Variants in FIBCD1 observed in about 807,000 individuals in gnomAD.
FIBCD1 encodes the protein fibrinogen C domain containing 1, also known as fibrinogen C domain-containing protein 1.
In FIBCD1, 47 loss-of-function variants were observed where a neutral mutation model predicts 45.1. The ratio of observed to expected loss-of-function variants is 1.04; its 90% confidence interval spans 0.82 to 1.33. The LOEUF (loss-of-function observed/expected upper bound fraction) is 1.33, where lower values mean the gene tolerates loss of function less well. FIBCD1 is among the 40% of genes most tolerant of loss of function. The pLI, the probability that FIBCD1 is intolerant of heterozygous loss-of-function variation, is 0.00. For missense variants in FIBCD1, 653 were observed against 682.2 expected, an observed-to-expected ratio of 0.96 and a Z score of 0.48; for synonymous variants, 313 against 308.1, an observed-to-expected ratio of 1.02 and a Z score of -0.17.
chr9:130,905,231 C>A lies in FIBCD1; in HGVS notation c.1126+3G>T. Reference sequence around the variant, plus strand: ...CCCATCCCTGCCACAGCTGGAGCCTCACCTGCAGTGCCGGAATAGTCAGCC... The same window carrying A: ...CCCATCCCTGCCACAGCTGGAGCCTAACCTGCAGTGCCGGAATAGTCAGCC... On this transcript the variant is annotated splice_donor_region_variant and intron_variant, in intron 6 of 6. Coordinates refer to ENST00000372338, the MANE Select transcript of FIBCD1 (RefSeq NM_032843.5). 6.2e-7 allele frequency: 1 copy of A among 1,611,446 alleles called. No homozygotes were observed. Among genetic ancestry groups the A allele is most frequent in the South Asian group, 1.1e-5 (1 of 90,804 alleles).
intron 2 of FIBCD1, among the ~76,000 whole-genome samples, chr9:130,927,231 A>G (rs1832376242): frequency 6.6e-6 from 1 of 151,506 alleles, no homozygotes; most frequent in African/African-American, 2.4e-5. Flanking sequence ...TGACGGAGTA[A>G]GACTGTCTCG....
intron 4 of FIBCD1, among the ~76,000 whole-genome samples, chr9:130,920,910 G>A (rs1006975157): frequency 2.0e-5 from 3 of 152,188 alleles, no homozygotes; most frequent in South Asian, 4.1e-4. Flanking sequence ...CCCTGACCCC[G>A]GCTTGCTTTA....
intron 2 of FIBCD1, among the ~76,000 whole-genome samples, chr9:130,927,965 G>C (rs1832385228): frequency 6.6e-6 from 1 of 152,208 alleles, no homozygotes; most frequent in Non-Finnish European, 1.5e-5. Flanking sequence ...TGGCCGGGAA[G>C]CTGCCTTTTA....
chr9:130,911,675 G>T, intron 5 of FIBCD1, 117 bp downstream of exon 5: 1 of 823,908 alleles, frequency 1.2e-6, no homozygotes, highest in Non-Finnish European at 2.0e-6. Context: ...TGGCTCAGGT[G>T]TGCCGAGGCC....
chr9:130,927,813 C>T (rs895883155), intron 2 of FIBCD1, among the ~76,000 whole-genome samples: 5 of 152,182 alleles, frequency 3.3e-5, no homozygotes, highest in Admixed American at 6.5e-5. Flanking sequence ...GGATTACAGG[C>T]GCCCGCCTGG....
intron 5 of FIBCD1, among the ~76,000 whole-genome samples, chr9:130,907,703 G>T (rs927808753): frequency 8.5e-5 from 13 of 152,110 alleles, no homozygotes; most frequent in Non-Finnish European, 2.9e-5. Flanking sequence ...TTCGAGACCA[G>T]CCTAGCCAAT....
chr9:130,919,075 C>T (rs1243972123), intron 4 of FIBCD1, among the ~76,000 whole-genome samples: 3 of 152,152 alleles, frequency 2.0e-5, no homozygotes, highest in Admixed American at 6.5e-5. Flanking sequence ...CGGCGCCTGC[C>T]GGCTCTTGGC....
rs1588111725 is a variant in FIBCD1 at position 130,926,937 on chromosome 9, G to C, written c.553-2541C>G. On this transcript the variant is annotated intron_variant, in intron 2 of 6. Coordinates refer to ENST00000372338, the MANE Select transcript of FIBCD1 (RefSeq NM_032843.5). The surrounding 1 kb of genome is among the most constrained non-coding windows in gnomAD (Gnocchi z 4.1). The stretch of plus-strand genomic sequence containing the variant: ...AACGCGGAGCCCAGCACATGGTATA[G>C]GCCTATCACTCCTACCAGAAAAGGG... 6.6e-6 allele frequency among the ~76,000 whole-genome samples: 1 copy of C among 152,278 alleles called. No homozygotes were observed. Among genetic ancestry groups the C allele is most frequent in the Non-Finnish European group, 1.5e-5 (1 of 68,020 alleles).
intron 5 of FIBCD1, among the ~76,000 whole-genome samples, chr9:130,910,648 G>A (rs1046240585): frequency 8.6e-5 from 13 of 151,950 alleles, no homozygotes; most frequent in African/African-American, 2.2e-4. Flanking sequence ...TACACCAATC[G>A]GCACTCTGTA....
At chr9:130,914,767 G>A (rs1057351179) in intron 4 of FIBCD1, among the ~76,000 whole-genome samples, 2 of 152,156 alleles carry the variant, frequency 1.3e-5, no homozygotes, top group African/African-American at 4.8e-5. Flanking sequence ...TGCCATTTAC[G>A]TAACTCGCCA....
In FIBCD1 at chr9:130,939,227, C is replaced by A. The variant is rs1832574594; in HGVS notation, c.-620G>T. ...GACCGGACTCACACAAGTCACCATGCGCGGGGCGGGCCCCGAGGGCGCCCC... is the reference window on the plus strand; with the variant it reads ...GACCGGACTCACACAAGTCACCATGAGCGGGGCGGGCCCCGAGGGCGCCCC... On this transcript the variant is annotated 5_prime_UTR_variant, in exon 1 of 7. Transcript: ENST00000372338. 6.6e-6 allele frequency: 1 copy of A among 152,056 alleles called. No homozygotes were observed. Among genetic ancestry groups the A allele is most frequent in the Non-Finnish European group, 1.5e-5 (1 of 67,990 alleles). The allele number at this position is 152,056 out of a possible 1,614,324, so 9.4% of individuals were successfully genotyped here. A position where few individuals can be genotyped will look rare whatever the true frequency, so the allele number is the denominator to read the frequency against.
Position 130,924,262 on chromosome 9 carries a change from T to TC in FIBCD1, c.686dup (p.Thr230AsnfsTer45), listed in dbSNP as rs1240579281. 6.3e-7 allele frequency: 1 copy of TC among 1,598,988 alleles called. No individual in the cohort carries two copies. Among genetic ancestry groups the TC allele is most frequent in the Non-Finnish European group, 8.5e-7 (1 of 1,174,480 alleles). Reference sequence around the variant, plus strand: ...CAGTGGCACAGCCCCGGGGCCGGGTTCCCCGGGCAGGCGCTCTCTGAAGGT... The same window carrying TC: ...CAGTGGCACAGCCCCGGGGCCGGGTTCCCCCGGGCAGGCGCTCTCTGAAGGT... On this transcript the variant is annotated frameshift_variant, in exon 3 of 7. Transcript: ENST00000372338. LOFTEE classifies it high-confidence loss of function.
chr9:130,930,302 G>A (rs114817429), intron 1 of FIBCD1, among the ~76,000 whole-genome samples: 1,526 of 152,208 alleles, frequency 0.01, 34 homozygotes, highest in African/African-American at 0.035. Flanking sequence ...GCCCCAGAGG[G>A]GAGGTGGAGA....
chr9:130,912,807 G>C (rs75912714), intron 4 of FIBCD1, among the ~76,000 whole-genome samples: 9,311 of 108,568 alleles, frequency 0.086, 430 homozygotes, highest in Non-Finnish European at 0.1. Context: ...TCAAAGAAAG[G>C]GGGGGCAGAG....
rs144935472 is a variant in FIBCD1, at chr9:130,926,245, T to TA, written c.553-1850dup. Among the ~76,000 whole-genome samples, 3 of 152,104 alleles carry TA rather than the reference T, an allele frequency of 2.0e-5. No homozygotes were observed. Among genetic ancestry groups the TA allele is most frequent in the Admixed American group, 6.5e-5 (1 of 15,268 alleles). On this transcript the variant is annotated intron_variant, in intron 2 of 6. Transcript: ENST00000372338. This position sits in a 1 kb window ranked among gnomAD's most constrained non-coding sequence, Gnocchi z 4.1. ...CTGAGTCAACACGGCCACAACGCAC[T>TA]AAAAAAAACTCAGGCACGGCCTCCT...
chr9:130,911,461 C>T (rs1832045187), intron 5 of FIBCD1, among the ~76,000 whole-genome samples: 1 of 152,230 alleles, frequency 6.6e-6, no homozygotes, highest in African/African-American at 2.4e-5. Context: ...GCCTGGGATG[C>T]TGCTGACCAC....
At chr9:130,937,856 C>A (rs1234706080) in intron 1 of FIBCD1, among the ~76,000 whole-genome samples, 2 of 152,234 alleles carry the variant, frequency 1.3e-5, no homozygotes, top group African/African-American at 2.4e-5. Context: ...ACCTCCACTG[C>A]CCCTGAAGAG....
At chr9:130,911,043 G>C (rs988861545) in intron 5 of FIBCD1, among the ~76,000 whole-genome samples, 1 of 152,156 alleles carries the variant, frequency 6.6e-6, no homozygotes, top group African/African-American at 2.4e-5. Context: ...CCACATAAGA[G>C]AATAAAAGCA....
intron 5 of FIBCD1, among the ~76,000 whole-genome samples, chr9:130,906,950 G>A (rs931708728): frequency 1.3e-5 from 2 of 152,166 alleles, no homozygotes; most frequent in Admixed American, 1.3e-4. Context: ...CTATTTTATA[G>A]GGGAGGAAAA....
Sources: gnomAD v4.1 joint callset for allele counts (sites outside exome capture counted in the v4.1 genomes callset) on GRCh38, gnomAD v4.1.1 for gene constraint, Gnocchi (gnomAD v3.1) non-coding constraint, MANE v1.5 for transcripts, NCBI Gene and HGNC (gene_info 2026-07-23, HGNC 2026-07-21) for gene names.